Variants in PRR11 observed in about 807,000 individuals in gnomAD.
The protein encoded by PRR11 is proline rich 11, also known as proline-rich protein 11.
A neutral mutation model predicts 45.6 loss-of-function variants in PRR11; 30 were observed. The observed-to-expected ratio is 0.66, with a 90% CI of 0.49 to 0.89. The LOEUF (loss-of-function observed/expected upper bound fraction) is 0.89, where lower values mean the gene tolerates loss of function less well. Among genes scored for constraint, PRR11 ranks in the 40% least tolerant of loss-of-function variants. The pLI, the probability that PRR11 is intolerant of heterozygous loss-of-function variation, is 0.00. For missense variants in PRR11, 373 were observed against 424.8 expected, an observed-to-expected ratio of 0.88 and a Z score of 1.07; for synonymous variants, 128 against 153.5, an observed-to-expected ratio of 0.83 and a Z score of 1.23.
At chr17:59,158,740 A>C (rs571825856) in intron 1 of PRR11, among the ~76,000 whole-genome samples, 1 of 152,338 alleles carries the variant, frequency 6.6e-6, no homozygotes, top group African/African-American at 2.4e-5. Context: ...AAAAATGAAA[A>C]AAGTGAAGGC....
intron 1 of PRR11, among the ~76,000 whole-genome samples, chr17:59,167,198 A>G (rs1016491043): frequency 7.9e-5 from 12 of 152,192 alleles, no homozygotes; most frequent in Non-Finnish European, 2.9e-5. Flanking sequence ...TAATAATTAT[A>G]CATATTTGTG....
intron 9 of PRR11, among the ~76,000 whole-genome samples, chr17:59,200,975 T>G (rs568376240): frequency 5.3e-5 from 8 of 152,204 alleles, no homozygotes; most frequent in South Asian, 4.1e-4. Flanking sequence ...AATACGTTTT[T>G]GGGGAACAGA....
intron 1 of PRR11, among the ~76,000 whole-genome samples, chr17:59,161,406 G>A (rs537131929): frequency 0.011 from 1,273 of 117,274 alleles, 12 homozygotes; most frequent in Middle Eastern, 0.035. Context: ...GCGAGACTCC[G>A]TCTCAAAAAA....
At position 59,206,375 on chromosome 17, in the gene PRR11, A is replaced by C. The variant is rs900514516; in HGVS notation, c.*4744A>C. Among the ~76,000 whole-genome samples the C allele has an allele frequency of 4.6e-5, 7 of 152,308 alleles. No homozygotes were observed. Among genetic ancestry groups the C allele is most frequent in the South Asian group, 2.1e-4 (1 of 4,828 alleles). On this transcript the variant is annotated 3_prime_UTR_variant, in exon 10 of 10. Coordinates refer to ENST00000262293, the MANE Select transcript of PRR11 (RefSeq NM_018304.4). ...CAGAGCAAGACTCCATCTCAAAAAG[A>C]AAAGAAAAAATGCTTTGCTACATAA... is the stretch of plus-strand genomic sequence containing the variant.
chr17:59,199,580 A>G (rs746270971), intron 9 of PRR11, among the ~76,000 whole-genome samples: 23 of 152,178 alleles, frequency 1.5e-4, no homozygotes, highest in Admixed American at 3.9e-4. Context: ...TGCCTCTATC[A>G]TTAGATCTGT....
At chr17:59,197,139 A>T (rs2046870255) in intron 7 of PRR11, among the ~76,000 whole-genome samples, 1 of 151,866 alleles carries the variant, frequency 6.6e-6, no homozygotes, top group Non-Finnish European at 1.5e-5. Context: ...GAGCCACCGC[A>T]CCCTGCTTCT....
chr17:59,193,827 A>T, intron 5 of PRR11, 93 bp downstream of exon 5: 1 of 1,412,268 alleles, frequency 7.1e-7, no homozygotes, highest in Non-Finnish European at 9.8e-7. Flanking sequence ...GGCCAGGCTA[A>T]TCAGGGCTTG....
intron 2 of PRR11, among the ~76,000 whole-genome samples, chr17:59,176,276 A>G (rs2046745207): frequency 6.6e-6 from 1 of 152,142 alleles, no homozygotes; most frequent in Non-Finnish European, 1.5e-5. Flanking sequence ...AGAGGGTGGA[A>G]TTTGCACTGT....
chr17:59,206,546 T>G lies in PRR11; in HGVS notation c.*4915T>G, dbSNP rs397834118. Among the ~76,000 whole-genome samples the G allele has an allele frequency of 2.0e-5, 3 of 151,662 alleles. No homozygotes were observed. Among genetic ancestry groups the G allele is most frequent in the African/African-American group, 7.3e-5 (3 of 41,378 alleles). ...TGACAGATTTTATATTGTAACCATT[T>G]GAGAACTCTGTAAGTGCTATGGCTT... On this transcript the variant is annotated 3_prime_UTR_variant, in exon 10 of 10. Coordinates refer to ENST00000262293, the MANE Select transcript of PRR11 (RefSeq NM_018304.4).
At position 59,205,315 on chromosome 17, in the gene PRR11, G is replaced by A. The variant is rs960018267; in HGVS notation, c.*3684G>A. ...ACCAGAGAATGTAAACAACCAAGGTGCATCTGGTTATGTTTTAAAATAAAG... is the reference window on the plus strand; with the variant it reads ...ACCAGAGAATGTAAACAACCAAGGTACATCTGGTTATGTTTTAAAATAAAG... On this transcript the variant is annotated 3_prime_UTR_variant, in exon 10 of 10. Transcript: ENST00000262293. Among the ~76,000 whole-genome samples, 1 of 151,878 alleles carries A rather than the reference G, an allele frequency of 6.6e-6. No individual in the cohort carries two copies. Among genetic ancestry groups the A allele is most frequent in the Non-Finnish European group, 1.5e-5 (1 of 67,964 alleles).
chr17:59,174,451 A>G (rs186088598), intron 2 of PRR11, among the ~76,000 whole-genome samples: 6 of 152,280 alleles, frequency 3.9e-5, no homozygotes, highest in Non-Finnish European at 8.8e-5. Flanking sequence ...AAGTGTGTCA[A>G]TCATAATGAA....
intron 4 of PRR11, among the ~76,000 whole-genome samples, chr17:59,190,294 A>AC (rs2046834914): frequency 6.6e-6 from 1 of 151,950 alleles, no homozygotes; most frequent in Admixed American, 6.6e-5. Context: ...ACATGGTGAA[A>AC]CCCCGTCCCT....
intron 2 of PRR11, chr17:59,178,593 G>C: frequency 7.6e-6 from 4 of 523,060 alleles, no homozygotes; most frequent in Non-Finnish European, 1.1e-5. Flanking sequence ...GGAGCAGCAG[G>C]GCAGCAAGGA....
At chr17:59,160,709 T>C (rs921552265) in intron 1 of PRR11, 11 of 152,120 alleles carry the variant, frequency 7.2e-5, no homozygotes, top group Admixed American at 6.5e-5. Context: ...CTAGAGATCA[T>C]AGAGTTATTT....
chr17:59,156,001 T>C (rs1221706655), intron 1 of PRR11, among the ~76,000 whole-genome samples, 196 bp downstream of exon 1: 1 of 152,148 alleles, frequency 6.6e-6, no homozygotes, highest in African/African-American at 2.4e-5. Context: ...CATACTTCTA[T>C]TTAATTAACA....
chr17:59,163,098 C>CT (rs980722731), intron 1 of PRR11, among the ~76,000 whole-genome samples: 31 of 140,890 alleles, frequency 2.2e-4, no homozygotes, highest in South Asian at 1.3e-3. Context: ...AATGCTTATA[C>CT]TTTTTTTTTT....
intron 2 of PRR11, among the ~76,000 whole-genome samples, chr17:59,180,723 C>T (rs2046780519): frequency 1.3e-5 from 2 of 151,562 alleles, no homozygotes; most frequent in South Asian, 4.1e-4. Flanking sequence ...TCAGGCTGGT[C>T]TCGAACAACT....
intron 2 of PRR11, chr17:59,181,371 G>A (rs1008203804): frequency 9.6e-6 from 6 of 624,266 alleles, no homozygotes; most frequent in East Asian, 1.0e-4. Context: ...TCCCTCATGA[G>A]TGATCACTTC....
At position 59,205,047 on chromosome 17, in the gene PRR11, A is replaced by T. The variant is rs1173554859; in HGVS notation, c.*3416A>T. On this transcript the variant is annotated 3_prime_UTR_variant, in exon 10 of 10. Transcript: ENST00000262293. Reference sequence around the variant, plus strand: ...CTCCATCTCAAAAAGAAAAGAAAAAATGCTTTGCTACATAATGAGGCCAGG... The same window carrying T: ...CTCCATCTCAAAAAGAAAAGAAAAATTGCTTTGCTACATAATGAGGCCAGG... Among the ~76,000 whole-genome samples the T allele has an allele frequency of 2.6e-5, 4 of 152,024 alleles. No homozygotes were observed. Among genetic ancestry groups the T allele is most frequent in the Admixed American group, 2.6e-4 (4 of 15,230 alleles).
Sources: gnomAD v4.1 joint callset for allele counts (sites outside exome capture counted in the v4.1 genomes callset) on GRCh38, gnomAD v4.1.1 for gene constraint, MANE v1.5 for transcripts, NCBI Gene and HGNC (gene_info 2026-07-23, HGNC 2026-07-21) for gene names.